The following TRIM40 variants were observed in gnomAD, a reference collection of about 807,000 sequenced individuals.
TRIM40 encodes the protein tripartite motif containing 40.
TRIM40 carries 27 observed loss-of-function variants against 26.1 expected under a neutral mutation model. The ratio of observed to expected loss-of-function variants is 1.04; its 90% CI spans 0.76 to 1.43. The LOEUF (loss-of-function observed/expected upper bound fraction) is 1.43, where lower values mean the gene tolerates loss of function less well. Ranked by LOEUF, TRIM40 falls within the 40% of genes most tolerant of loss-of-function variation. TRIM40 has a pLI of 0.00. For missense variants in TRIM40, 289 were observed against 307.9 expected (o/e 0.94, Z 0.46); for synonymous variants, 114 against 120.0 (o/e 0.95, Z 0.33).
chr6:30,144,798 A>C (rs1194892144), intron 2 of TRIM40, among the ~76,000 whole-genome samples: 2 of 152,192 alleles, frequency 1.3e-5, no homozygotes, highest in African/African-American at 4.8e-5. Flanking sequence ...AAGTGAGTAG[A>C]TGCAAGCGGT....
intron 2 of TRIM40, among the ~76,000 whole-genome samples, chr6:30,140,250 A>G (rs1189396493): frequency 3.3e-5 from 5 of 152,192 alleles, no homozygotes; most frequent in Admixed American, 2.6e-4. Context: ...AAATCATTCT[A>G]CTATAAAGAC....
At position 30,148,364 on chromosome 6, in the gene TRIM40, T is replaced by A. The variant is rs189951319; in HGVS notation, c.*552T>A. On this transcript the variant is annotated 3_prime_UTR_variant, in exon 6 of 6. Coordinates refer to ENST00000396581, the MANE Select transcript of TRIM40 (RefSeq NM_001286633.2). ...CCCCTCCCCTTGAGTGTAAGTGGGA[T>A]CTGTGACTTGCTTCTAATGAATGGA... 2 of 164,870 alleles carry A rather than the reference T, an allele frequency of 1.2e-5. No homozygotes were observed. The highest frequency in any genetic ancestry group is 3.3e-4 in the East Asian group (2 of 6,012). 10.2% of individuals were successfully genotyped at this position (164,870 alleles called of 1,614,324 possible). A position where few individuals can be genotyped will look rare whatever the true frequency, so the allele number is the denominator to read the frequency against.
intron 2 of TRIM40, among the ~76,000 whole-genome samples, chr6:30,141,010 G>T (rs1417636251): frequency 1.3e-5 from 2 of 152,112 alleles, no homozygotes; most frequent in Non-Finnish European, 2.9e-5. Flanking sequence ...AAGCGGGCAC[G>T]GTGGCTCACA....
intron 2 of TRIM40, among the ~76,000 whole-genome samples, chr6:30,140,497 A>G (rs932160124): frequency 2.0e-5 from 3 of 151,750 alleles, no homozygotes; most frequent in African/African-American, 7.3e-5. Context: ...ACATGTTCTC[A>G]CTCGTAAGTG....
intron 3 of TRIM40, 132 bp from the exon 4 acceptor site, chr6:30,146,853 G>T: frequency 1.2e-6 from 1 of 861,622 alleles, no homozygotes; most frequent in Non-Finnish European, 1.8e-6. Context: ...TGCTATACCT[G>T]TGACACACAG....
At chr6:30,142,856 GT>G (rs1242673512) in intron 2 of TRIM40, among the ~76,000 whole-genome samples, 7 of 145,614 alleles carry the variant, frequency 4.8e-5, no homozygotes, top group Non-Finnish European at 6.1e-5. Flanking sequence ...ATGATGGGCT[GT>G]TTTTTTTTTA....
chr6:30,147,935 C>T lies in TRIM40; in HGVS notation c.*123C>T. ...ATCTTCGGGCCTGCCAGCTCCTGAA[C>T]ATGTCACCATTTCTTCATGTCCACA... On this transcript the variant is annotated 3_prime_UTR_variant, in exon 6 of 6. Coordinates refer to ENST00000396581, the MANE Select transcript of TRIM40 (RefSeq NM_001286633.2). 1 of 749,212 alleles carries T rather than the reference C, an allele frequency of 1.3e-6. No homozygotes were observed. Among genetic ancestry groups the T allele is most frequent in the African/African-American group, 1.7e-5 (1 of 57,158 alleles). 46.4% of individuals were successfully genotyped at this position (749,212 alleles called of 1,614,324 possible). A position where few individuals can be genotyped will look rare whatever the true frequency, so the allele number is the denominator to read the frequency against.
intron 2 of TRIM40, among the ~76,000 whole-genome samples, chr6:30,140,545 G>C (rs1581532684): frequency 6.6e-6 from 1 of 151,878 alleles, no homozygotes. Context: ...ACAGGGAGGG[G>C]AATATCACAC....
chr6:30,146,174 T>C, intron 3 of TRIM40, 85 bp downstream of exon 3: 3 of 1,164,502 alleles, frequency 2.6e-6, no homozygotes, highest in African/African-American at 1.5e-5. Context: ...TGTCTGTCCC[T>C]GGAACAGCCT....
In TRIM40 at chr6:30,148,403, G is replaced by GTCTT. The variant is rs1251831416; in HGVS notation, c.*591_*592insTCTT. 2 of 158,722 alleles carry GTCTT rather than the reference G, an allele frequency of 1.3e-5. No individual in the cohort carries two copies. The highest frequency in any genetic ancestry group is 1.2e-4 in the Admixed American group (2 of 16,858). The allele number at this position is 158,722 out of a possible 1,614,324, so 9.8% of individuals were successfully genotyped here. ...CTAATGAATGGAATAAGGCAAAGGT[G>GTCTT]ATAGGGTGTCACTCTGGCAACTGTG... On this transcript the variant is annotated 3_prime_UTR_variant, in exon 6 of 6. Transcript: ENST00000396581.
intron 2 of TRIM40, among the ~76,000 whole-genome samples, chr6:30,143,431 C>CTT (rs9278593): frequency 2.9e-4 from 34 of 116,446 alleles, no homozygotes; most frequent in East Asian, 7.1e-4. Context: ...GTTAATTTTT[C>CTT]TTTTTTTTTT....
Position 30,136,996 on chromosome 6 carries a change from A to G in TRIM40, c.-41A>G. 6.3e-7 allele frequency: 1 copy of G among 1,578,806 alleles called. No homozygotes were observed. Among genetic ancestry groups the G allele is most frequent in the South Asian group, 1.2e-5 (1 of 86,500 alleles). On this transcript the variant is annotated 5_prime_UTR_variant, in exon 2 of 6. Transcript: ENST00000396581. Reference sequence around the variant, plus strand: ...GCCTTCCGAAGACCAGTGAAGAAGGAGGCCCTGCAAACAGGAGGCTGACAG... The same window carrying G: ...GCCTTCCGAAGACCAGTGAAGAAGGGGGCCCTGCAAACAGGAGGCTGACAG...
At chr6:30,145,965 CT>C in intron 2 of TRIM40, 28 bp from the exon 3 acceptor site, 1 of 1,600,728 alleles carries the variant, frequency 6.2e-7, no homozygotes, top group Non-Finnish European at 8.6e-7. Context: ...CACTCCCAGT[CT>C]GACAAGCAGG....
In TRIM40 at chr6:30,147,827, G is replaced by A; in HGVS notation, c.*15G>A. 3 of 1,611,738 alleles carry A rather than the reference G, an allele frequency of 1.9e-6. No homozygotes were observed. Among genetic ancestry groups the A allele is most frequent in the Non-Finnish European group, 2.5e-6 (3 of 1,177,918 alleles). On this transcript the variant is annotated 3_prime_UTR_variant, in exon 6 of 6. Transcript: ENST00000396581. The stretch of plus-strand genomic sequence containing the variant: ...AGAAGCTCTGACCTGTTCATCCCTG[G>A]GACACCTCACTTCAGGCTCACCTCA...
In TRIM40 at chr6:30,136,733, G is replaced by T. The variant is rs1771020864; in HGVS notation, c.-304G>T. ...TTATTGAATCACTTGCTTCCTCTAG[G>T]TGTATGAAAAATAATTTCAAGTTTA... On this transcript the variant is annotated splice_region_variant and 5_prime_UTR_variant, in exon 2 of 6. Transcript: ENST00000396581. 2.2e-6 allele frequency: 1 copy of T among 448,214 alleles called. No individual in the cohort carries two copies. Among genetic ancestry groups the T allele is most frequent in the African/African-American group, 2.0e-5 (1 of 50,772 alleles). 27.8% of individuals were successfully genotyped at this position (448,214 alleles called of 1,614,324 possible).
At chr6:30,144,038 C>T (rs1771503293) in intron 2 of TRIM40, among the ~76,000 whole-genome samples, 1 of 151,978 alleles carries the variant, frequency 6.6e-6, no homozygotes, top group Non-Finnish European at 1.5e-5. Context: ...AGTAAAAGGC[C>T]ATGAGGAGGT....
rs1415808239 is a variant in TRIM40 at position 30,147,946 on chromosome 6, T to C, written c.*134T>C. ...TGCCAGCTCCTGAACATGTCACCAT[T>C]TCTTCATGTCCACAGTCATCACCTG... is the stretch of plus-strand genomic sequence containing the variant. On this transcript the variant is annotated 3_prime_UTR_variant, in exon 6 of 6. Transcript: ENST00000396581. 5.7e-6 allele frequency: 4 copies of C among 703,296 alleles called. No individual in the cohort carries two copies. Among genetic ancestry groups the C allele is most frequent in the African/African-American group, 5.3e-5 (3 of 56,168 alleles). The allele number at this position is 703,296 out of a possible 1,614,324, so 43.6% of individuals were successfully genotyped here. A position where few individuals can be genotyped will look rare whatever the true frequency, so the allele number is the denominator to read the frequency against.
At chr6:30,137,572 T>C (rs9261471) in intron 2 of TRIM40, among the ~76,000 whole-genome samples, 191 bp downstream of exon 2, 28,437 of 152,122 alleles carry the variant, frequency 0.19, 3,080 homozygotes, top group East Asian at 0.24. Context: ...TTCCATGCAT[T>C]AATGTGAGTC....
intron 2 of TRIM40, among the ~76,000 whole-genome samples, chr6:30,140,744 G>A (rs1771298256): frequency 6.6e-6 from 1 of 152,132 alleles, no homozygotes; most frequent in Non-Finnish European, 1.5e-5. Flanking sequence ...GTTGAAGGAA[G>A]GAGGAAGGTC....
Sources: allele counts gnomAD v4.1 joint callset (sites outside exome capture counted in the v4.1 genomes callset), GRCh38; gene constraint gnomAD v4.1.1; transcripts MANE v1.5; gene names NCBI Gene and HGNC (gene_info 2026-07-23, HGNC 2026-07-21).